CDH22: variants seen among roughly 807,000 people sequenced by gnomAD.
The protein encoded by CDH22 is cadherin-22.
Under a neutral mutation model 58.4 loss-of-function variants are expected in CDH22, and 30 were observed. The observed-to-expected ratio is 0.51, with a 90% CI of 0.38 to 0.70. CDH22 has a LOEUF of 0.70. Ranked by LOEUF, CDH22 falls within the 30% of genes least tolerant of loss-of-function variation. CDH22 has a pLI of 0.00. For synonymous variants in CDH22, 513 were observed against 558.2 expected, an observed-to-expected ratio of 0.92 and a Z score of 1.14; for missense variants, 1,014 against 1,233.9, an observed-to-expected ratio of 0.82 and a Z score of 2.67.
chr20:46,272,145 TAA>T (rs2086493830), intron 1 of CDH22, among the ~76,000 whole-genome samples: 1 of 152,238 alleles, frequency 6.6e-6, no homozygotes, highest in Non-Finnish European at 1.5e-5. Context: ...AATAACTCTC[TAA>T]ATTGACCACT....
chr20:46,264,730 C>G (rs2086449866), intron 1 of CDH22, among the ~76,000 whole-genome samples: 1 of 152,104 alleles, frequency 6.6e-6, no homozygotes, highest in African/African-American at 2.4e-5. Context: ...GTCCTTCCCC[C>G]ACGCTACTTG....
At chr20:46,178,870 G>A (rs1412521418) in intron 10 of CDH22, among the ~76,000 whole-genome samples, 1 of 152,196 alleles carries the variant, frequency 6.6e-6, no homozygotes, top group Non-Finnish European at 1.5e-5. Context: ...AGAGGGCTGG[G>A]GGCGTGGTGA....
chr20:46,194,047 C>G (rs1232705237), intron 8 of CDH22, among the ~76,000 whole-genome samples: 1 of 152,106 alleles, frequency 6.6e-6, no homozygotes, highest in Non-Finnish European at 1.5e-5. Context: ...AATAGATGTC[C>G]CCTCCTCTGG....
intron 10 of CDH22, among the ~76,000 whole-genome samples, chr20:46,183,702 T>A (rs1477883342): frequency 6.6e-6 from 1 of 152,172 alleles, no homozygotes; most frequent in Non-Finnish European, 1.5e-5. Context: ...GTTATAAACA[T>A]GAGCCTTACA....
intron 1 of CDH22, among the ~76,000 whole-genome samples, chr20:46,296,680 T>C (rs566474952): frequency 3.9e-5 from 6 of 152,188 alleles, no homozygotes; most frequent in South Asian, 2.1e-4. Context: ...AGATGATGAG[T>C]TGGGGCTTTG....
At chr20:46,247,276 C>T (rs1179693830) in intron 2 of CDH22, among the ~76,000 whole-genome samples, 1 of 152,146 alleles carries the variant, frequency 6.6e-6, no homozygotes, top group Non-Finnish European at 1.5e-5. Context: ...ACTGACTCCC[C>T]AACGCCAGAC....
chr20:46,200,807 C>T (rs531811675), intron 7 of CDH22, among the ~76,000 whole-genome samples: 1 of 152,038 alleles, frequency 6.6e-6, no homozygotes, highest in Non-Finnish European at 1.5e-5. Flanking sequence ...GGGGAGCCAA[C>T]GGGGAATTTT....
intron 1 of CDH22, among the ~76,000 whole-genome samples, chr20:46,293,503 G>C (rs1354672618): frequency 6.6e-6 from 1 of 151,992 alleles, no homozygotes; most frequent in Non-Finnish European, 1.5e-5. Context: ...GGGTGGCTGG[G>C]GGTAGGGGGA....
intron 3 of CDH22, among the ~76,000 whole-genome samples, chr20:46,228,962 T>A (rs2145713283): frequency 6.6e-6 from 1 of 152,298 alleles, no homozygotes; most frequent in South Asian, 2.1e-4. Flanking sequence ...TATTTTTCAC[T>A]CTTTTGCATT....
intron 10 of CDH22, among the ~76,000 whole-genome samples, chr20:46,180,559 T>A (rs1240519248): frequency 3.3e-5 from 5 of 152,222 alleles, no homozygotes; most frequent in African/African-American, 9.6e-5. Flanking sequence ...GGATTTTTTT[T>A]ATGCATCAAG....
Position 46,241,465 on chromosome 20 carries a change from C to T in CDH22, c.256-208G>A, listed in dbSNP as rs2086289757. On this transcript the variant is annotated intron_variant, in intron 2 of 11. Transcript: ENST00000537909. The surrounding 1 kb of genome is among the most constrained non-coding windows in gnomAD (Gnocchi z 5.2). ...TCAGCCCGCTGGGGCCCTCCCTGCC[C>T]CTGGACTCTGCTTTCCCCTCTGCAT... is the stretch of plus-strand genomic sequence containing the variant. Among the ~76,000 whole-genome samples the T allele has an allele frequency of 6.6e-6, 1 of 152,214 alleles. No individual in the cohort carries two copies. The highest frequency in any genetic ancestry group is 2.4e-5 in the African/African-American group (1 of 41,456).
intron 7 of CDH22, among the ~76,000 whole-genome samples, chr20:46,205,033 G>C (rs2425775): frequency 0.6 from 90,969 of 151,570 alleles, 27,545 homozygotes; most frequent in Non-Finnish European, 0.63. Context: ...GGTGTAGTTC[G>C]GGAGCCTCTT....
At chr20:46,214,154 G>A (rs1266772434) in intron 5 of CDH22, among the ~76,000 whole-genome samples, 4 of 152,192 alleles carry the variant, frequency 2.6e-5, no homozygotes, top group Admixed American at 2.6e-4. Context: ...TGGGTGCTGT[G>A]CCTGGCATGT....
At chr20:46,237,267 G>A (rs977957274) in intron 3 of CDH22, among the ~76,000 whole-genome samples, 1 of 152,188 alleles carries the variant, frequency 6.6e-6, no homozygotes, top group Non-Finnish European at 1.5e-5. Flanking sequence ...GCTGCATCAG[G>A]CTTAACATGA....
At chr20:46,301,236 G>C (rs75544144) in intron 1 of CDH22, among the ~76,000 whole-genome samples, 2,882 of 152,052 alleles carry the variant, frequency 0.019, 83 homozygotes, top group African/African-American at 0.066. Flanking sequence ...CACACACAGA[G>C]AGAGAATCAC....
At chr20:46,213,580 G>A (rs992528043) in intron 5 of CDH22, among the ~76,000 whole-genome samples, 2 of 152,252 alleles carry the variant, frequency 1.3e-5, no homozygotes, top group East Asian at 1.9e-4. Context: ...AATAAATAAC[G>A]ATGGTGCCTT....
At position 46,276,286 on chromosome 20, in the gene CDH22, C is replaced by T. The variant is rs865978757; in HGVS notation, c.-399-24593G>A. Reference sequence around the variant, plus strand: ...TTAGACATGTTGGTGATCCCTGAAGCGTTTAAACAAGGGAGTGACAGTGAT... The same window carrying T: ...TTAGACATGTTGGTGATCCCTGAAGTGTTTAAACAAGGGAGTGACAGTGAT... On this transcript the variant is annotated intron_variant, in intron 1 of 11. Transcript: ENST00000537909. 5.9e-5 allele frequency among the ~76,000 whole-genome samples: 9 copies of T among 152,272 alleles called. No individual in the cohort carries two copies. The South Asian group carries it at 1.0e-3, about 18-fold the overall frequency.
At chr20:46,296,721 G>A (rs1206991367) in intron 1 of CDH22, among the ~76,000 whole-genome samples, 3 of 152,096 alleles carry the variant, frequency 2.0e-5, no homozygotes, top group Non-Finnish European at 4.4e-5. Flanking sequence ...GCGCTGACAG[G>A]CAAGGCCACA....
rs914060491 is a variant in CDH22, at chr20:46,174,203, G to C, written c.*303C>G. 4 of 414,242 alleles carry C rather than the reference G, an allele frequency of 9.7e-6. No homozygotes were observed. Among genetic ancestry groups the C allele is most frequent in the Non-Finnish European group, 1.7e-5 (4 of 234,972 alleles). The allele number at this position is 414,242 out of a possible 1,614,324, so 25.7% of individuals were successfully genotyped here. On this transcript the variant is annotated 3_prime_UTR_variant, in exon 12 of 12. Coordinates refer to ENST00000537909, the MANE Select transcript of CDH22 (RefSeq NM_021248.3). This position sits in a 1 kb window ranked among gnomAD's most constrained non-coding sequence, Gnocchi z 4.4. ...CCCCCAGGCCAGGATTGAGTGACCC[G>C]CCCCTTCCCGACTCTGCAACGCCAC... is the stretch of plus-strand genomic sequence containing the variant.
Sources: gnomAD v4.1 joint callset for allele counts (sites outside exome capture counted in the v4.1 genomes callset) on GRCh38, gnomAD v4.1.1 for gene constraint, Gnocchi (gnomAD v3.1) non-coding constraint, MANE v1.5 for transcripts, NCBI Gene and HGNC (gene_info 2026-07-23, HGNC 2026-07-21) for gene names.